The following PLXDC2 variants were observed in gnomAD, a reference collection of about 807,000 sequenced individuals.
PLXDC2 encodes plexin domain containing 2, also known as plexin domain-containing protein 2.
A neutral mutation model predicts 68.9 loss-of-function variants in PLXDC2; 40 were observed. That is an observed-to-expected ratio of 0.58 (90% CI 0.45 to 0.76). The LOEUF is 0.76. PLXDC2 is among the 30% of genes least tolerant of loss of function. The probability of loss-of-function intolerance (pLI) is 0.00; values close to 1 mark genes in which losing one functional copy is unlikely to be tolerated. For missense variants in PLXDC2, 644 were observed against 661.9 expected, an observed-to-expected ratio of 0.97 and a Z score of 0.30; for synonymous variants, 243 against 234.2, an observed-to-expected ratio of 1.04 and a Z score of -0.34.
chr10:19,980,372 G>A (rs1215335108), intron 1 of PLXDC2, among the ~76,000 whole-genome samples: 1 of 152,180 alleles, frequency 6.6e-6, no homozygotes, highest in Non-Finnish European at 1.5e-5. Context: ...TGTTTGTGAT[G>A]TCTTGTGTCA....
chr10:20,032,835 C>T (rs1332904930), intron 2 of PLXDC2, among the ~76,000 whole-genome samples: 1 of 151,464 alleles, frequency 6.6e-6, no homozygotes, highest in South Asian at 2.1e-4. Context: ...ATATTATGTG[C>T]CAAGCAGAGG....
chr10:20,249,551 G>A lies in PLXDC2; in HGVS notation c.1473+4046G>A, dbSNP rs548587467. 2.4e-3 allele frequency among the ~76,000 whole-genome samples: 363 copies of A among 152,038 alleles called. 2 individuals carry two copies. Among genetic ancestry groups the A allele is most frequent in the Non-Finnish European group, 4.6e-3 (310 of 68,008 alleles). On this transcript the variant is annotated intron_variant, in intron 13 of 13. Transcript: ENST00000377252. The stretch of plus-strand genomic sequence containing the variant: ...TATCATTCCAACTTCTGTTCCCACC[G>A]TCACATCTCCTACCACTAACGTTGA...
chr10:20,052,722 C>CAAAAAAAAAAAAAAAAA (rs59776582), intron 3 of PLXDC2, among the ~76,000 whole-genome samples: 8 of 92,704 alleles, frequency 8.6e-5, no homozygotes, highest in South Asian at 3.5e-4. Flanking sequence ...ACAAATTATG[C>CAAAAAAAAAAAAAAAAA]AAAAAAAAAA....
intron 12 of PLXDC2, among the ~76,000 whole-genome samples, chr10:20,226,425 A>G (rs1303321734): frequency 6.6e-6 from 1 of 152,188 alleles, no homozygotes. Context: ...AGCTGTTGAC[A>G]AATGTATTTG....
intron 1 of PLXDC2, among the ~76,000 whole-genome samples, chr10:19,903,779 G>A (rs1306453150): frequency 2.0e-5 from 3 of 149,342 alleles, no homozygotes. Flanking sequence ...GCTTAAGATT[G>A]TCTATTTGTG....
chr10:20,041,174 C>A (rs1835675783), intron 2 of PLXDC2, among the ~76,000 whole-genome samples: 1 of 152,106 alleles, frequency 6.6e-6, no homozygotes, highest in Non-Finnish European at 1.5e-5. Flanking sequence ...ACATTGATCA[C>A]CCATTGGTTG....
At chr10:20,120,597 C>G (rs2461934) in intron 4 of PLXDC2, among the ~76,000 whole-genome samples, 6 of 147,986 alleles carry the variant, frequency 4.1e-5, no homozygotes, top group Non-Finnish European at 7.6e-5. Flanking sequence ...GTAGGAAAGG[C>G]CTCTACCTAT....
intron 4 of PLXDC2, among the ~76,000 whole-genome samples, chr10:20,101,605 G>A (rs888416340): frequency 6.6e-6 from 1 of 151,744 alleles, no homozygotes; most frequent in Non-Finnish European, 1.5e-5. Flanking sequence ...TTGCTTCCTG[G>A]GTTCATCATC....
At chr10:20,018,969 G>T (rs774909731) in intron 2 of PLXDC2, among the ~76,000 whole-genome samples, 1 of 152,110 alleles carries the variant, frequency 6.6e-6, no homozygotes, top group African/African-American at 2.4e-5. Flanking sequence ...AAAGAATCAT[G>T]CTCAGCTAAA....
chr10:19,921,456 C>G (rs959090006), intron 1 of PLXDC2, among the ~76,000 whole-genome samples: 2 of 152,178 alleles, frequency 1.3e-5, no homozygotes, highest in African/African-American at 4.8e-5. Flanking sequence ...CTATGACATT[C>G]ACTTAGGGAT....
At chr10:19,967,321 G>C (rs116957159) in intron 1 of PLXDC2, among the ~76,000 whole-genome samples, 1 of 152,088 alleles carries the variant, frequency 6.6e-6, no homozygotes, top group Non-Finnish European at 1.5e-5. Flanking sequence ...CAGAAAGATG[G>C]TAACAGTATC....
chr10:20,192,335 A>G (rs1174942193), intron 9 of PLXDC2, among the ~76,000 whole-genome samples: 1 of 152,056 alleles, frequency 6.6e-6, no homozygotes, highest in African/African-American at 2.4e-5. Flanking sequence ...GCTTATGTGT[A>G]CTAACCTCCG....
chr10:20,085,055 G>A (rs1002228649), intron 4 of PLXDC2, among the ~76,000 whole-genome samples: 1 of 151,830 alleles, frequency 6.6e-6, no homozygotes, highest in Non-Finnish European at 1.5e-5. Flanking sequence ...GGACAAAAGT[G>A]TGCATTTCTT....
At position 19,851,225 on chromosome 10, in the gene PLXDC2, G is replaced by A. The variant is rs556892528; in HGVS notation, c.112+34034G>A. On this transcript the variant is annotated intron_variant, in intron 1 of 13. Transcript: ENST00000377252. ...CTTGCTCCATTGTCATCATCCAAAG[G>A]AATAAAGTAACATAGATTAGGGCCT... Among the ~76,000 whole-genome samples, 14 of 152,210 alleles carry A rather than the reference G, an allele frequency of 9.2e-5. 1 individual carries two copies. In the South Asian group the frequency reaches 1.0e-3, roughly 11 times the overall value.
At chr10:20,001,113 C>A (rs900549320) in intron 1 of PLXDC2, among the ~76,000 whole-genome samples, 1 of 152,184 alleles carries the variant, frequency 6.6e-6, no homozygotes, top group Non-Finnish European at 1.5e-5. Flanking sequence ...TCACTGTCAT[C>A]CTTTAGACCC....
chr10:19,943,992 C>G (rs2131400263), intron 1 of PLXDC2, among the ~76,000 whole-genome samples: 1 of 152,314 alleles, frequency 6.6e-6, no homozygotes. Context: ...CTACTTTCCT[C>G]TAAAAACTCG....
At position 20,036,308 on chromosome 10, in the gene PLXDC2, T is replaced by G. The variant is rs144541551; in HGVS notation, c.325-10561T>G. 2.4e-3 allele frequency among the ~76,000 whole-genome samples: 369 copies of G among 152,190 alleles called. 2 individuals carry two copies. Among genetic ancestry groups the G allele is most frequent in the African/African-American group, 8.4e-3 (349 of 41,516 alleles). ...TGTTCCTATAAGAGGAGGAGAAGAC[T>G]CCAGGGAACTCTCTGTCCATCTTCT... On this transcript the variant is annotated intron_variant, in intron 2 of 13. Transcript: ENST00000377252.
intron 4 of PLXDC2, among the ~76,000 whole-genome samples, chr10:20,095,850 G>A (rs1218019603): frequency 1.3e-5 from 2 of 152,152 alleles, no homozygotes; most frequent in Non-Finnish European, 2.9e-5. Flanking sequence ...ATGGCCAAAG[G>A]AATGTTTCTG....
At chr10:20,075,040 T>G (rs2131714262) in intron 4 of PLXDC2, among the ~76,000 whole-genome samples, 1 of 152,306 alleles carries the variant, frequency 6.6e-6, no homozygotes, top group Non-Finnish European at 1.5e-5. Flanking sequence ...ATGAATTGCG[T>G]GATGTCTGAT....
Sources: allele counts gnomAD v4.1 joint callset (sites outside exome capture counted in the v4.1 genomes callset), GRCh38; gene constraint gnomAD v4.1.1; transcripts MANE v1.5; gene names NCBI Gene and HGNC (gene_info 2026-07-23, HGNC 2026-07-21).